Variants in HS3ST5 observed in about 807,000 individuals in gnomAD.
HS3ST5 encodes the protein heparan sulfate glucosamine 3-O-sulfotransferase 5.
In HS3ST5, 10 loss-of-function variants were observed where a neutral mutation model predicts 25.4. The observed-to-expected ratio is 0.39, with a 90% CI of 0.24 to 0.67. The LOEUF (loss-of-function observed/expected upper bound fraction) is 0.67. Among genes scored for constraint, HS3ST5 ranks in the 30% least tolerant of loss-of-function variants. The pLI is 0.44. For missense variants in HS3ST5, 324 were observed against 420.7 expected, an observed-to-expected ratio of 0.77 and a Z score of 2.01; for synonymous variants, 170 against 162.4, an observed-to-expected ratio of 1.05 and a Z score of -0.36.
rs1473382506 is a variant in HS3ST5, at chr6:114,191,146, G to A, written c.-144-22684C>T. ...AAAGAAAAACATAGACTCACAAAAGGATCCCACTGCATATATCCTGACAGT... is the reference window on the plus strand; with the variant it reads ...AAAGAAAAACATAGACTCACAAAAGAATCCCACTGCATATATCCTGACAGT... On this transcript the variant is annotated intron_variant, in intron 2 of 4. Coordinates refer to ENST00000312719, the MANE Select transcript of HS3ST5 (RefSeq NM_153612.4). 2.6e-5 allele frequency among the ~76,000 whole-genome samples: 4 copies of A among 152,200 alleles called. No individual in the cohort carries two copies. The East Asian group carries it at 7.7e-4, about 29-fold the overall frequency.
intron 3 of HS3ST5, among the ~76,000 whole-genome samples, chr6:114,121,825 A>G (rs557196764): frequency 6.6e-6 from 1 of 152,298 alleles, no homozygotes; most frequent in East Asian, 1.9e-4. Context: ...ATTTATCTGT[A>G]TATTTGTTTA....
chr6:114,324,104 T>C (rs1484117329), intron 1 of HS3ST5, among the ~76,000 whole-genome samples: 1 of 152,172 alleles, frequency 6.6e-6, no homozygotes, highest in Non-Finnish European at 1.5e-5. Flanking sequence ...AACTGCTATG[T>C]ATTGCTATAG....
At chr6:114,182,207 T>G (rs918044549) in intron 2 of HS3ST5, among the ~76,000 whole-genome samples, 1 of 152,158 alleles carries the variant, frequency 6.6e-6, no homozygotes, top group Admixed American at 6.5e-5. Flanking sequence ...AACTACTTAT[T>G]TTGTAAAGAA....
At chr6:114,240,585 T>C (rs564593051) in intron 1 of HS3ST5, among the ~76,000 whole-genome samples, 2 of 152,172 alleles carry the variant, frequency 1.3e-5, no homozygotes, top group Non-Finnish European at 2.9e-5. Context: ...AAATCCTTCA[T>C]GAAAAACTGC....
intron 3 of HS3ST5, chr6:114,084,100 TTA>T: frequency 6.8e-6 from 4 of 584,954 alleles, no homozygotes; most frequent in Non-Finnish European, 1.2e-5. Context: ...TTTTTTTTTT[TTA>T]GAAACTGATG....
chr6:114,243,381 C>T (rs906799902), intron 1 of HS3ST5, among the ~76,000 whole-genome samples: 1 of 152,164 alleles, frequency 6.6e-6, no homozygotes, highest in Non-Finnish European at 1.5e-5. Flanking sequence ...CTTTCTCTGA[C>T]TTCTTAAATA....
intron 3 of HS3ST5, chr6:114,089,058 T>C (rs1168535776): frequency 2.6e-5 from 4 of 152,324 alleles, no homozygotes; most frequent in South Asian, 4.1e-4. Context: ...TCAGTAAACA[T>C]TGGCTGAATG....
chr6:114,125,399 CA>C (rs1171107751), intron 3 of HS3ST5, among the ~76,000 whole-genome samples: 2 of 152,102 alleles, frequency 1.3e-5, no homozygotes, highest in African/African-American at 4.8e-5. Context: ...GGCAATATAT[CA>C]AAAATAGTTG....
At chr6:114,133,078 C>G (rs932217875) in intron 3 of HS3ST5, among the ~76,000 whole-genome samples, 6 of 152,078 alleles carry the variant, frequency 3.9e-5, no homozygotes, top group Non-Finnish European at 8.8e-5. Context: ...CCCTATTTGT[C>G]ACCTCCCTCT....
chr6:114,203,917 C>T (rs2114387200), intron 2 of HS3ST5, among the ~76,000 whole-genome samples: 1 of 152,252 alleles, frequency 6.6e-6, no homozygotes, highest in East Asian at 1.9e-4. Context: ...AAGAGGAACC[C>T]ATTGGGCAGT....
intron 1 of HS3ST5, among the ~76,000 whole-genome samples, chr6:114,245,520 C>T (rs1408919290): frequency 6.6e-6 from 1 of 151,984 alleles, no homozygotes; most frequent in African/African-American, 2.4e-5. Flanking sequence ...GAAGAATAGA[C>T]AACAACAGGA....
At chr6:114,142,575 T>C (rs1425556943) in intron 3 of HS3ST5, among the ~76,000 whole-genome samples, 1 of 152,216 alleles carries the variant, frequency 6.6e-6, no homozygotes, top group East Asian at 1.9e-4. Context: ...TGCAAAATGT[T>C]TGTAAAGATG....
At chr6:114,093,358 TGTG>T (rs1775238793) in intron 3 of HS3ST5, among the ~76,000 whole-genome samples, 10 of 69,068 alleles carry the variant, frequency 1.4e-4, no homozygotes, top group Admixed American at 8.9e-4. Context: ...TTTGTTTGTG[TGTG>T]TGTGTGTGTG....
At chr6:114,309,568 A>G (rs1375139506) in intron 1 of HS3ST5, among the ~76,000 whole-genome samples, 1 of 152,172 alleles carries the variant, frequency 6.6e-6, no homozygotes, top group Non-Finnish European at 1.5e-5. Flanking sequence ...CCCTATCTCT[A>G]TTAAAAATAC....
chr6:114,329,706 G>C (rs1224184795), intron 1 of HS3ST5, among the ~76,000 whole-genome samples: 1 of 152,156 alleles, frequency 6.6e-6, no homozygotes, highest in East Asian at 1.9e-4. Flanking sequence ...GAGGCTGAAA[G>C]ACTTATCACA....
intron 2 of HS3ST5, among the ~76,000 whole-genome samples, chr6:114,198,877 T>TA (rs1450911592): frequency 3.9e-5 from 6 of 152,210 alleles, no homozygotes; most frequent in Non-Finnish European, 8.8e-5. Flanking sequence ...GTTTATGACA[T>TA]ATACACACAC....
At chr6:114,270,165 A>T (rs1773578307) in intron 1 of HS3ST5, among the ~76,000 whole-genome samples, 1 of 152,212 alleles carries the variant, frequency 6.6e-6, no homozygotes, top group Non-Finnish European at 1.5e-5. Flanking sequence ...GAATTAGTAA[A>T]TGAGAAAAAA....
rs543960780 is a variant in HS3ST5 at position 114,279,479 on chromosome 6, C to T, written c.-338-50701G>A. Among the ~76,000 whole-genome samples, 177 of 152,138 alleles carry T rather than the reference C, an allele frequency of 1.2e-3. 2 individuals carry two copies. In the South Asian group the frequency reaches 0.035, roughly 30 times the overall value. On this transcript the variant is annotated intron_variant, in intron 1 of 4. Coordinates refer to ENST00000312719, the MANE Select transcript of HS3ST5 (RefSeq NM_153612.4). ...TACACAGTTCTAAATCTAGACCATG[C>T]GGTGATGGCATCTAACAAAGCTGTC...
chr6:114,301,805 G>C (rs1297352545), intron 1 of HS3ST5, among the ~76,000 whole-genome samples: 3 of 152,092 alleles, frequency 2.0e-5, no homozygotes, highest in Non-Finnish European at 4.4e-5. Context: ...CCAGGACCAT[G>C]ACACAGCCTG....
Sources: allele counts gnomAD v4.1 joint callset (sites outside exome capture counted in the v4.1 genomes callset), GRCh38; gene constraint gnomAD v4.1.1; transcripts MANE v1.5; gene names NCBI Gene and HGNC (gene_info 2026-07-23, HGNC 2026-07-21).